The following CDH12 variants were observed in gnomAD, a reference collection of about 807,000 sequenced individuals.
CDH12 encodes cadherin-12.
A neutral mutation model predicts 74.1 loss-of-function variants in CDH12; 41 were observed. The ratio of observed to expected loss-of-function variants is 0.55; its 90% CI spans 0.43 to 0.72. CDH12 has a LOEUF of 0.72. Among genes scored for constraint, CDH12 ranks in the 30% least tolerant of loss-of-function variants. The pLI, the probability that CDH12 is intolerant of heterozygous loss-of-function variation, is 0.00. For missense variants in CDH12, 945 were observed against 977.2 expected (o/e 0.97, Z 0.44); for synonymous variants, 399 against 355.0 (o/e 1.12, Z -1.39).
intron 5 of CDH12, among the ~76,000 whole-genome samples, chr5:22,048,577 G>A (rs1166891614): frequency 6.6e-6 from 1 of 151,936 alleles, no homozygotes; most frequent in Non-Finnish European, 1.5e-5. Context: ...TGATGACACA[G>A]GATAATGCAT....
At chr5:22,819,520 G>T (rs889499932) in intron 1 of CDH12, among the ~76,000 whole-genome samples, 2 of 151,882 alleles carry the variant, frequency 1.3e-5, no homozygotes, top group Non-Finnish European at 2.9e-5. Context: ...ATCCAGAAAA[G>T]AAATGCAAAT....
intron 4 of CDH12, among the ~76,000 whole-genome samples, chr5:22,108,354 T>A (rs1356151323): frequency 2.0e-5 from 3 of 152,222 alleles, no homozygotes; most frequent in Non-Finnish European, 4.4e-5. Context: ...CCTTTATAAA[T>A]TACCCAGTGT....
chr5:22,043,304 T>G (rs185107532), intron 5 of CDH12, among the ~76,000 whole-genome samples: 1 of 152,272 alleles, frequency 6.6e-6, no homozygotes, highest in African/African-American at 2.4e-5. Flanking sequence ...TGCAAATCAA[T>G]AAAGGTGATT....
At chr5:22,579,564 T>C (rs1192831728) in intron 1 of CDH12, among the ~76,000 whole-genome samples, 2 of 152,160 alleles carry the variant, frequency 1.3e-5, no homozygotes, top group Non-Finnish European at 2.9e-5. Context: ...TGATGAAAAT[T>C]CCAGACTTGG....
At chr5:22,538,886 G>C (rs1283575751) in intron 1 of CDH12, among the ~76,000 whole-genome samples, 3 of 152,066 alleles carry the variant, frequency 2.0e-5, no homozygotes, top group Non-Finnish European at 2.9e-5. Context: ...TATGCAACTA[G>C]TTTGTTTGTT....
intron 10 of CDH12, among the ~76,000 whole-genome samples, chr5:21,787,898 A>C (rs1488893105): frequency 6.6e-6 from 1 of 152,192 alleles, no homozygotes; most frequent in Middle Eastern, 3.2e-3. Context: ...TTCTCAAAAT[A>C]CTTCTTTATA....
intron 1 of CDH12, among the ~76,000 whole-genome samples, chr5:22,517,161 A>G (rs1736848713): frequency 6.6e-6 from 1 of 152,104 alleles, no homozygotes; most frequent in Non-Finnish European, 1.5e-5. Flanking sequence ...TATTTATAAA[A>G]TAACTTTAAA....
At chr5:22,759,743 A>C (rs750774373) in intron 1 of CDH12, among the ~76,000 whole-genome samples, 41 of 152,374 alleles carry the variant, frequency 2.7e-4, no homozygotes, top group Non-Finnish European at 5.6e-4. Flanking sequence ...CCAGATAAAT[A>C]GAAACAATAG....
chr5:21,873,957 A>G (rs1011338439), intron 6 of CDH12, among the ~76,000 whole-genome samples: 1 of 152,200 alleles, frequency 6.6e-6, no homozygotes, highest in African/African-American at 2.4e-5. Flanking sequence ...ATGGCTACAT[A>G]GTATTCCATG....
At chr5:22,770,035 G>T (rs898057272) in intron 1 of CDH12, among the ~76,000 whole-genome samples, 3 of 151,358 alleles carry the variant, frequency 2.0e-5, no homozygotes, top group African/African-American at 7.3e-5. Context: ...TTACTGGGTT[G>T]CGCTGACTTT....
At chr5:21,765,208 A>G in intron 11 of CDH12, 109 bp from the exon 12 acceptor site, 3 of 876,308 alleles carry the variant, frequency 3.4e-6, no homozygotes, top group Non-Finnish European at 4.8e-6. Flanking sequence ...ATAGAATGAA[A>G]AAAAATCCTT....
chr5:22,257,030 G>A (rs1344963766), intron 3 of CDH12, among the ~76,000 whole-genome samples: 1 of 152,180 alleles, frequency 6.6e-6, no homozygotes, highest in Non-Finnish European at 1.5e-5. Flanking sequence ...TAGGGACATG[G>A]TTGGAACTAG....
At chr5:22,467,836 T>C (rs1561427043) in intron 2 of CDH12, among the ~76,000 whole-genome samples, 3 of 152,234 alleles carry the variant, frequency 2.0e-5, no homozygotes, top group Non-Finnish European at 2.9e-5. Flanking sequence ...GATGGGATCA[T>C]GACTCTTTTT....
chr5:22,319,153 TA>T (rs1738755098), intron 3 of CDH12, among the ~76,000 whole-genome samples: 1 of 152,174 alleles, frequency 6.6e-6, no homozygotes, highest in South Asian at 2.1e-4. Context: ...AGAAATATTT[TA>T]GAGATGTTAA....
At chr5:22,666,836 T>C (rs1182860711) in intron 1 of CDH12, among the ~76,000 whole-genome samples, 1 of 152,210 alleles carries the variant, frequency 6.6e-6, no homozygotes, top group African/African-American at 2.4e-5. Flanking sequence ...AAATTGATGT[T>C]TTATAAAAGT....
At chr5:22,528,564 C>T (rs1363368497) in intron 1 of CDH12, among the ~76,000 whole-genome samples, 1 of 152,128 alleles carries the variant, frequency 6.6e-6, no homozygotes, top group Non-Finnish European at 1.5e-5. Context: ...TAATGGACTC[C>T]TTCAGGGGAC....
intron 10 of CDH12, among the ~76,000 whole-genome samples, chr5:21,788,103 A>C (rs1334325475): frequency 6.6e-6 from 1 of 152,216 alleles, no homozygotes; most frequent in Non-Finnish European, 1.5e-5. Context: ...AAATAAGTAA[A>C]GTATGATGCC....
chr5:22,765,334 G>T (rs1221014396), intron 1 of CDH12, among the ~76,000 whole-genome samples: 11 of 151,890 alleles, frequency 7.2e-5, no homozygotes, highest in African/African-American at 2.2e-4. Context: ...TTCTCAATGG[G>T]TATGATGGTT....
intron 3 of CDH12, among the ~76,000 whole-genome samples, chr5:22,285,320 G>T (rs1338523132): frequency 6.6e-6 from 1 of 151,224 alleles, no homozygotes; most frequent in East Asian, 1.9e-4. Context: ...AATAAGTTAA[G>T]ATTTGTGAAC....
Sources: gnomAD v4.1 joint callset for allele counts (sites outside exome capture counted in the v4.1 genomes callset) on GRCh38, gnomAD v4.1.1 for gene constraint, MANE v1.5 for transcripts, NCBI Gene and HGNC (gene_info 2026-07-23, HGNC 2026-07-21) for gene names.